The following TOP3B variants were observed in gnomAD, a reference collection of about 807,000 sequenced individuals.
The protein encoded by TOP3B is DNA topoisomerase III beta.
TOP3B carries 45 observed loss-of-function variants against 93.9 expected under a neutral mutation model. The ratio of observed to expected loss-of-function variants is 0.48; its 90% CI spans 0.38 to 0.61. The LOEUF (loss-of-function observed/expected upper bound fraction) is 0.61, where lower values mean the gene tolerates loss of function less well. Among genes scored for constraint, TOP3B ranks in the 20% least tolerant of loss-of-function variants. The probability of loss-of-function intolerance (pLI) is 0.00; values close to 1 mark genes in which losing one functional copy is unlikely to be tolerated. For synonymous variants in TOP3B, 357 were observed against 472.6 expected, an observed-to-expected ratio of 0.76 and a Z score of 3.17; for missense variants, 750 against 1,156.1, an observed-to-expected ratio of 0.65 and a Z score of 5.09.
intron 2 of TOP3B, chr22:21,974,801 C>G (rs991835897): frequency 4.8e-6 from 1 of 207,360 alleles, no homozygotes; most frequent in African/African-American, 2.3e-5. Flanking sequence ...CCATTTTTGC[C>G]TCACTTCATT....
At chr22:21,958,104 T>C (rs867116) in intron 17 of TOP3B, 129,529 of 1,249,580 alleles carry the variant, frequency 0.1, 2,774 homozygotes, top group Middle Eastern at 0.11. Context: ...TGCCTGGACA[T>C]GCGCTCCCTC....
chr22:21,960,945 C>T (rs147954624), intron 13 of TOP3B: 69 of 159,684 alleles, frequency 4.3e-4, no homozygotes, highest in African/African-American at 1.5e-3. Flanking sequence ...AGGCCCGTCA[C>T]GATCCCCAGG....
chr22:21,972,446 G>A, intron 4 of TOP3B, 166 bp downstream of exon 4: 1 of 579,154 alleles, frequency 1.7e-6, no homozygotes, highest in East Asian at 3.0e-5. Flanking sequence ...TGTGTTGGGG[G>A]TGCCTGCAGG....
At chr22:21,976,016 T>C (rs1018060272) in intron 1 of TOP3B, 1 of 213,948 alleles carries the variant, frequency 4.7e-6, no homozygotes, top group Admixed American at 5.7e-5. Context: ...ATCCTGGGAA[T>C]GTGGCTCCAT....
intron 1 of TOP3B, among the ~76,000 whole-genome samples, chr22:21,979,175 G>A (rs1011254028): frequency 6.6e-6 from 1 of 152,010 alleles, no homozygotes; most frequent in African/African-American, 2.4e-5. Context: ...GTCAGGGTTC[G>A]AGGGGAGAGA....
intron 16 of TOP3B, 162 bp downstream of exon 16, chr22:21,958,970 A>C: frequency 8.7e-7 from 1 of 1,155,604 alleles, no homozygotes; most frequent in Non-Finnish European, 1.2e-6. Flanking sequence ...TGTGTATTCT[A>C]GGGGACGTGG....
chr22:21,959,484 G>C, intron 15 of TOP3B, 103 bp downstream of exon 15: 5 of 1,517,532 alleles, frequency 3.3e-6, no homozygotes, highest in Non-Finnish European at 4.4e-6. Context: ...CTGAAGCCCA[G>C]ATCTGGGAGC....
intron 12 of TOP3B, 63 bp downstream of exon 12, chr22:21,962,684 C>A: frequency 1.1e-5 from 17 of 1,608,360 alleles, no homozygotes; most frequent in Non-Finnish European, 1.4e-5. Context: ...TCCCCAGACA[C>A]GATGTAGAAT....
intron 4 of TOP3B, 107 bp downstream of exon 4, chr22:21,972,505 C>T (rs1304720091): frequency 1.2e-6 from 1 of 825,088 alleles, no homozygotes; most frequent in Non-Finnish European, 1.9e-6. Context: ...TAGCAAAGGC[C>T]CCCCTGTCCA....
chr22:21,959,457 A>C (rs239918), intron 15 of TOP3B, 130 bp downstream of exon 15: 735,407 of 1,507,036 alleles, frequency 0.49, 181,789 homozygotes, highest in African/African-American at 0.67. Flanking sequence ...GGTGTCACTG[A>C]CCTGGCCTAC....
At chr22:21,978,737 G>C (rs924671337) in intron 1 of TOP3B, among the ~76,000 whole-genome samples, 1 of 152,216 alleles carries the variant, frequency 6.6e-6, no homozygotes. Flanking sequence ...ACAGAGCCCT[G>C]GGTAATCCTG....
intron 4 of TOP3B, chr22:21,972,199 A>C: frequency 1.9e-6 from 1 of 513,992 alleles, no homozygotes; most frequent in South Asian, 3.0e-5. Flanking sequence ...TTATACCCCA[A>C]AACTGCCCAG....
chr22:21,972,817 G>C (rs2071697797), intron 3 of TOP3B, 99 bp from the exon 4 acceptor site: 15 of 978,202 alleles, frequency 1.5e-5, no homozygotes, highest in Non-Finnish European at 2.1e-5. Context: ...AATGAGGAGG[G>C]GAAAGCTTGG....
intron 13 of TOP3B, 40 bp downstream of exon 13, chr22:21,962,389 G>C (rs780637494): frequency 9.9e-6 from 16 of 1,611,380 alleles, no homozygotes; most frequent in Non-Finnish European, 2.5e-6. Flanking sequence ...CTGAGTACTG[G>C]AGACGGAGCC....
At chr22:21,962,641 G>A (rs2071239427) in intron 12 of TOP3B, 39 bp from the exon 13 acceptor site, 1 of 1,605,504 alleles carries the variant, frequency 6.2e-7, no homozygotes. Context: ...TCCCCAGCCT[G>A]GGTGGCCGGG....
At chr22:21,975,264 T>A (rs748313958) in intron 2 of TOP3B, 8 of 171,294 alleles carry the variant, frequency 4.7e-5, no homozygotes, top group Non-Finnish European at 8.8e-5. Context: ...ACAGTGGGAG[T>A]ATCCAGGGGT....
chr22:21,974,652 G>A (rs2071786767), intron 2 of TOP3B, 164 bp from the exon 3 acceptor site: 1 of 703,900 alleles, frequency 1.4e-6, no homozygotes, highest in East Asian at 2.9e-5. Flanking sequence ...GCACTGAGAG[G>A]TGGGACGGCG....
Position 21,959,155 on chromosome 22 carries a change from G to A in TOP3B, c.1882C>T (p.His628Tyr), listed in dbSNP as rs1201262349. ...GKPLSRCGKC[H>Y]RFMKYIQAKP... ...ACCTGGATGTACTTCATGAAGCGGTGGCACTTCCCACAGCGTGAGAGGGGC... is the reference window on the plus strand; with the variant it reads ...ACCTGGATGTACTTCATGAAGCGGTAGCACTTCCCACAGCGTGAGAGGGGC... Residue 628 changes from histidine to tyrosine, a missense_variant, in exon 16 of 18, where the codon CAC (histidine) becomes TAC (tyrosine). Transcript: ENST00000357179. 1 of 1,613,890 alleles carries A rather than the reference G, an allele frequency of 6.2e-7. No homozygotes were observed. Among genetic ancestry groups the A allele is most frequent in the Non-Finnish European group, 8.5e-7 (1 of 1,180,002 alleles).
chr22:21,962,983 C>T (rs1408086470), intron 11 of TOP3B, 90 bp from the exon 12 acceptor site: 2 of 1,506,124 alleles, frequency 1.3e-6, no homozygotes, highest in Admixed American at 3.7e-5. Flanking sequence ...CAGCAAGCTC[C>T]TGCTTACAGA....
Sources: gnomAD v4.1 joint callset for allele counts (sites outside exome capture counted in the v4.1 genomes callset) on GRCh38, gnomAD v4.1.1 for gene constraint, MANE v1.5 for transcripts, NCBI Gene and HGNC (gene_info 2026-07-23, HGNC 2026-07-21) for gene names.